Variants in OPCML observed in about 807,000 individuals in gnomAD.
The protein encoded by OPCML is opioid-binding protein/cell adhesion molecule.
A neutral mutation model predicts 37.8 loss-of-function variants in OPCML; 13 were observed. The ratio of observed to expected loss-of-function variants is 0.34; its 90% CI spans 0.22 to 0.55. The LOEUF (loss-of-function observed/expected upper bound fraction) is 0.55, where lower values mean the gene tolerates loss of function less well. OPCML is among the 20% of genes least tolerant of loss of function. The pLI, the probability that OPCML is intolerant of heterozygous loss-of-function variation, is 0.91. For missense variants in OPCML, 341 were observed against 435.6 expected (o/e 0.78, Z 1.93); for synonymous variants, 176 against 168.8 (o/e 1.04, Z -0.33).
intron 2 of OPCML, among the ~76,000 whole-genome samples, chr11:132,706,406 A>G (rs1391715934): frequency 6.6e-6 from 1 of 152,214 alleles, no homozygotes; most frequent in Non-Finnish European, 1.5e-5. Flanking sequence ...ACAGGGTTCC[A>G]CGACTCTCAG....
chr11:132,909,274 G>T (rs1055029530), intron 2 of OPCML, among the ~76,000 whole-genome samples: 2 of 152,184 alleles, frequency 1.3e-5, no homozygotes, highest in African/African-American at 4.8e-5. Flanking sequence ...TGGAACCCCA[G>T]ACCTCAAGGG....
At chr11:132,765,166 G>T (rs1946393897) in intron 2 of OPCML, among the ~76,000 whole-genome samples, 1 of 152,174 alleles carries the variant, frequency 6.6e-6, no homozygotes, top group Non-Finnish European at 1.5e-5. Flanking sequence ...CGGCTCTAGA[G>T]CCCTGGGTTT....
chr11:132,491,307 C>T (rs1040439344), intron 4 of OPCML, among the ~76,000 whole-genome samples: 12 of 152,368 alleles, frequency 7.9e-5, no homozygotes, highest in Admixed American at 2.0e-4. Flanking sequence ...AATCCAAACT[C>T]CTTACAATGG....
rs554682534 is a variant in OPCML at position 132,416,360 on chromosome 11, C to A, written c.*3833G>T. 2 of 152,180 alleles carry A rather than the reference C, an allele frequency of 1.3e-5. No individual in the cohort carries two copies. Among genetic ancestry groups the A allele is most frequent in the African/African-American group, 4.8e-5 (2 of 41,424 alleles). The allele number at this position is 152,180 out of a possible 1,614,324, so 9.4% of individuals were successfully genotyped here. A position where few individuals can be genotyped will look rare whatever the true frequency, so the allele number is the denominator to read the frequency against. On this transcript the variant is annotated 3_prime_UTR_variant, in exon 8 of 8. Transcript: ENST00000524381. ...CTACCATGGGCTGGCGACAGCCAAC[C>A]AGCACTTGAAAATTCAATGTACAGC... is the stretch of plus-strand genomic sequence containing the variant.
intron 4 of OPCML, among the ~76,000 whole-genome samples, chr11:132,525,184 A>G (rs1437492377): frequency 6.6e-6 from 1 of 152,194 alleles, no homozygotes; most frequent in African/African-American, 2.4e-5. Flanking sequence ...TTTCTGATCC[A>G]TCAAAGCTTA....
Position 133,002,158 on chromosome 11 carries a change from G to A in OPCML, c.62-59148C>T, listed in dbSNP as rs549590527. On this transcript the variant is annotated intron_variant, in intron 1 of 7. Transcript: ENST00000524381. ...CTTTGCTTTTGAAAGAAGAATTCTC[G>A]GGGCCAGGAATGGATCTAGGCACTT... Among the ~76,000 whole-genome samples the A allele has an allele frequency of 3.3e-5, 5 of 152,286 alleles. No homozygotes were observed. The East Asian group carries it at 5.8e-4, about 18-fold the overall frequency.
intron 1 of OPCML, among the ~76,000 whole-genome samples, chr11:133,509,381 T>A (rs1050594949): frequency 1.3e-5 from 2 of 152,214 alleles, no homozygotes; most frequent in African/African-American, 4.8e-5. Flanking sequence ...TCTTCCATAT[T>A]CCTGCAAAGG....
chr11:133,428,645 T>C (rs1025656807), intron 1 of OPCML, among the ~76,000 whole-genome samples: 6 of 152,062 alleles, frequency 3.9e-5, no homozygotes, highest in African/African-American at 1.4e-4. Context: ...GTAAGAACTA[T>C]AGAAAATATA....
At chr11:133,318,496 A>G (rs1943255410) in intron 1 of OPCML, among the ~76,000 whole-genome samples, 1 of 13,820 alleles carries the variant, frequency 7.2e-5, no homozygotes, top group South Asian at 6.2e-3. Context: ...GTAACTTTCC[A>G]TCCACTGACC....
intron 1 of OPCML, among the ~76,000 whole-genome samples, chr11:133,226,256 G>C (rs1940030030): frequency 6.6e-6 from 1 of 152,254 alleles, no homozygotes; most frequent in South Asian, 2.1e-4. Flanking sequence ...AGTAGACTTG[G>C]AGGACACAGG....
At chr11:132,471,113 A>G (rs1005550240) in intron 4 of OPCML, among the ~76,000 whole-genome samples, 5 of 152,194 alleles carry the variant, frequency 3.3e-5, no homozygotes, top group African/African-American at 1.2e-4. Flanking sequence ...TGATCGATGA[A>G]TTTGGTAACG....
chr11:133,083,105 G>GCGCACCACACTCACATCACA (rs1948762437), intron 1 of OPCML, among the ~76,000 whole-genome samples: 1 of 152,002 alleles, frequency 6.6e-6, no homozygotes, highest in African/African-American at 2.4e-5. Flanking sequence ...GCACCCGTGT[G>GCGCACCACACTCACATCACA]CGCACCACAC....
chr11:132,886,840 A>G (rs528364711), intron 2 of OPCML, among the ~76,000 whole-genome samples: 65 of 152,178 alleles, frequency 4.3e-4, no homozygotes, highest in Admixed American at 4.2e-3. Flanking sequence ...CTGTCCTCTG[A>G]CCTTGAGTGT....
At chr11:133,499,578 G>A (rs886655773) in intron 1 of OPCML, among the ~76,000 whole-genome samples, 5 of 151,886 alleles carry the variant, frequency 3.3e-5, no homozygotes, top group East Asian at 2.0e-4. Flanking sequence ...GGCTGCACTC[G>A]TAGTTCATCT....
chr11:133,493,275 G>C (rs528111245), intron 1 of OPCML, among the ~76,000 whole-genome samples: 2 of 152,206 alleles, frequency 1.3e-5, no homozygotes, highest in Admixed American at 1.3e-4. Context: ...GGCCTCAGGG[G>C]CCACCCAGCA....
intron 2 of OPCML, among the ~76,000 whole-genome samples, chr11:132,762,508 C>A (rs943802039): frequency 6.6e-6 from 1 of 152,174 alleles, no homozygotes; most frequent in Non-Finnish European, 1.5e-5. Flanking sequence ...AAATGCCCTG[C>A]CCAGAGAGGA....
At chr11:132,455,227 A>G (rs2096078686) in intron 4 of OPCML, among the ~76,000 whole-genome samples, 1 of 152,176 alleles carries the variant, frequency 6.6e-6, no homozygotes. Flanking sequence ...TACTTTGCAA[A>G]TGATCACACA....
chr11:133,389,549 AATAAAATAGATGTTCAC>A (rs1565608716), intron 1 of OPCML, among the ~76,000 whole-genome samples: 1 of 152,220 alleles, frequency 6.6e-6, no homozygotes, highest in Non-Finnish European at 1.5e-5. Context: ...GCAGTACTTG[AATAAAATAGATGTTCAC>A]AGGTGGTAAT....
intron 4 of OPCML, among the ~76,000 whole-genome samples, chr11:132,458,768 T>G (rs1282309318): frequency 1.3e-5 from 2 of 152,222 alleles, no homozygotes; most frequent in African/African-American, 4.8e-5. Flanking sequence ...TGGTAAATAA[T>G]GCCAATGTCT....
Sources: allele counts gnomAD v4.1 joint callset (sites outside exome capture counted in the v4.1 genomes callset), GRCh38; gene constraint gnomAD v4.1.1; transcripts MANE v1.5; gene names NCBI Gene and HGNC (gene_info 2026-07-23, HGNC 2026-07-21).